RB1: variants seen among roughly 807,000 people sequenced by gnomAD.
The protein encoded by RB1 is RB transcriptional corepressor 1, also known as retinoblastoma-associated protein.
A neutral mutation model predicts 135.4 loss-of-function variants in RB1; 18 were observed. The observed-to-expected ratio is 0.13, with a 90% CI of 0.09 to 0.20. RB1 has a LOEUF of 0.20. RB1 is among the 10% of genes least tolerant of loss of function. The pLI, the probability that RB1 is intolerant of heterozygous loss-of-function variation, is 1.00. For missense variants in RB1, 868 were observed against 1,110.0 expected, an observed-to-expected ratio of 0.78 and a Z score of 3.10; for synonymous variants, 365 against 373.2, an observed-to-expected ratio of 0.98 and a Z score of 0.25.
chr13:48,386,853 C>T (rs1006909100), intron 17 of RB1, among the ~76,000 whole-genome samples: 11 of 151,998 alleles, frequency 7.2e-5, no homozygotes, highest in South Asian at 2.1e-4. Flanking sequence ...CCAAATACAT[C>T]GTTATAAAAT....
intron 7 of RB1, among the ~76,000 whole-genome samples, chr13:48,362,446 A>G (rs1480182367): frequency 6.6e-6 from 1 of 152,130 alleles, no homozygotes; most frequent in Non-Finnish European, 1.5e-5. Flanking sequence ...TAGAAATTGA[A>G]TTCAGAAATA....
intron 3 of RB1, among the ~76,000 whole-genome samples, chr13:48,343,795 A>C (rs914264412): frequency 1.3e-5 from 2 of 152,096 alleles, no homozygotes; most frequent in Non-Finnish European, 2.9e-5. Flanking sequence ...TTTCTCTTCT[A>C]ATCAACATTC....
chr13:48,441,193 A>T (rs1039958052), intron 17 of RB1, among the ~76,000 whole-genome samples: 2 of 152,222 alleles, frequency 1.3e-5, no homozygotes, highest in African/African-American at 4.8e-5. Context: ...TTCCTGGTTC[A>T]TAGATGGCAC....
intron 17 of RB1, among the ~76,000 whole-genome samples, chr13:48,434,343 T>C (rs769568884): frequency 1.7e-4 from 26 of 152,098 alleles, no homozygotes; most frequent in Non-Finnish European, 1.5e-4. Flanking sequence ...TCAGTCTTGA[T>C]AATAAAAACG....
chr13:48,459,645 CA>C (rs1287090964), intron 19 of RB1, 42 bp from the exon 20 acceptor site: 1 of 1,606,998 alleles, frequency 6.2e-7, no homozygotes, highest in African/African-American at 1.3e-5. Context: ...ACTTGTAATT[CA>C]AAATGAACAG....
At chr13:48,463,964 C>A in intron 21 of RB1, 129 bp downstream of exon 21, 1 of 582,362 alleles carries the variant, frequency 1.7e-6, no homozygotes, top group Non-Finnish European at 3.0e-6. Flanking sequence ...TGTAAATTCA[C>A]AAATAAAAAC....
At chr13:48,408,956 A>G (rs1948764051) in intron 17 of RB1, among the ~76,000 whole-genome samples, 1 of 152,140 alleles carries the variant, frequency 6.6e-6, no homozygotes. Context: ...CCCCCAGATC[A>G]GTAGATTGGT....
chr13:48,362,035 C>T (rs1389764582), intron 7 of RB1, among the ~76,000 whole-genome samples: 2 of 150,636 alleles, frequency 1.3e-5, no homozygotes, highest in Non-Finnish European at 2.9e-5. Context: ...GCAAACTCTG[C>T]CTCCCGGGTT....
chr13:48,458,842 A>C (rs1949378250), intron 19 of RB1, among the ~76,000 whole-genome samples: 1 of 152,202 alleles, frequency 6.6e-6, no homozygotes, highest in Non-Finnish European at 1.5e-5. Context: ...AAACTAAATA[A>C]ATTACATATT....
At chr13:48,329,804 G>A (rs1430404862) in intron 2 of RB1, among the ~76,000 whole-genome samples, 1 of 152,172 alleles carries the variant, frequency 6.6e-6, no homozygotes, top group Non-Finnish European at 1.5e-5. Context: ...GACAGCTGAT[G>A]TCAGCAAGAT....
At chr13:48,339,266 C>A (rs1746495142) in intron 2 of RB1, among the ~76,000 whole-genome samples, 1 of 152,206 alleles carries the variant, frequency 6.6e-6, no homozygotes, top group Non-Finnish European at 1.5e-5. Flanking sequence ...GCCCTGCCCC[C>A]AGAGGTGGAA....
chr13:48,345,658 G>C (rs2138088561), intron 4 of RB1, among the ~76,000 whole-genome samples: 1 of 152,292 alleles, frequency 6.6e-6, no homozygotes, highest in African/African-American at 2.4e-5. Context: ...TCGAGTAGGA[G>C]CATAATTAAT....
At position 48,453,124 on chromosome 13, in the gene RB1, T is replaced by C. The variant is rs1405171445; in HGVS notation, c.1814+13T>C. The C allele has an allele frequency of 1.2e-6, 2 of 1,606,396 alleles. No individual in the cohort carries two copies. The highest frequency in any genetic ancestry group is 1.1e-5 in the South Asian group (1 of 90,970). On this transcript the variant is annotated intron_variant, in intron 18 of 26. Coordinates refer to ENST00000267163, the MANE Select transcript of RB1 (RefSeq NM_000321.3). ...CTGCAGCAGATATGTAAGCAAAATA[T>C]ATGTTATGTTGACCATTCAAACTGC...
At position 48,303,861 on chromosome 13, in the gene RB1, T is replaced by A. The variant is rs1258364025; in HGVS notation, c.-52T>A. 2 of 1,499,752 alleles carry A rather than the reference T, an allele frequency of 1.3e-6. No individual in the cohort carries two copies. Among genetic ancestry groups the A allele is most frequent in the South Asian group, 1.2e-5 (1 of 80,786 alleles). 92.9% of individuals were successfully genotyped at this position (1,499,752 alleles called of 1,614,324 possible). A position where few individuals can be genotyped will look rare whatever the true frequency, so the allele number is the denominator to read the frequency against. On this transcript the variant is annotated 5_prime_UTR_variant, in exon 1 of 27. Coordinates refer to ENST00000267163, the MANE Select transcript of RB1 (RefSeq NM_000321.3). ...CGTGCCCCGACGTGCGCGCGCGTCG[T>A]CCTCCCCGGCGCTCCTCCACAGCTC... is the stretch of plus-strand genomic sequence containing the variant.
rs2138361042 is a variant in RB1, at chr13:48,477,413, T to C, written c.2713+9T>C. On this transcript the variant is annotated intron_variant, in intron 26 of 26. Transcript: ENST00000267163. Reference sequence around the variant, plus strand: ...GAAACTGGCAGAAATGAGTAAGTACTTTTTTCACCTTGTGTAAATGAAATA... The same window carrying C: ...GAAACTGGCAGAAATGAGTAAGTACCTTTTTCACCTTGTGTAAATGAAATA... 2 of 1,591,974 alleles carry C rather than the reference T, an allele frequency of 1.3e-6. No homozygotes were observed. Among genetic ancestry groups the C allele is most frequent in the Non-Finnish European group, 8.6e-7 (1 of 1,160,548 alleles).
At chr13:48,320,943 G>A (rs565363646) in intron 2 of RB1, among the ~76,000 whole-genome samples, 3 of 152,248 alleles carry the variant, frequency 2.0e-5, no homozygotes, top group Admixed American at 2.0e-4. Context: ...TCAGGACGAC[G>A]TTACGCATAG....
At chr13:48,398,599 C>T (rs970172320) in intron 17 of RB1, among the ~76,000 whole-genome samples, 2 of 151,880 alleles carry the variant, frequency 1.3e-5, no homozygotes, top group Non-Finnish European at 2.9e-5. Context: ...AGATCATCAG[C>T]TCTCTTTAAG....
Position 48,303,989 on chromosome 13 carries a change from C to T in RB1, c.77C>T (p.Pro26Leu), listed in dbSNP as rs770488256. ...AAAEPPAPPP[P>L]PPPEEDPEQD... ...GCGGAACCCCCGGCACCGCCGCCGC[C>T]GCCCCCTCCTGAGGAGGACCCAGAG... The change falls in exon 1 of 27, where the codon CCG becomes CTG. Residue 26 changes from proline to leucine, a missense_variant. By Grantham distance (98) the Pro-to-Leu change is moderately conservative (BLOSUM62 -3). Around this residue, in one of 3 missense-constraint regions of RB1, gnomAD observed 641 missense variants for 791.3 expected, o/e 0.81. Coordinates refer to ENST00000267163, the MANE Select transcript of RB1 (RefSeq NM_000321.3). The T allele has an allele frequency of 2.7e-6, 4 of 1,498,690 alleles. No individual in the cohort carries two copies. The highest frequency in any genetic ancestry group is 2.7e-5 in the East Asian group (1 of 36,742). 92.8% of individuals were successfully genotyped at this position (1,498,690 alleles called of 1,614,324 possible). A position where few individuals can be genotyped will look rare whatever the true frequency, so the allele number is the denominator to read the frequency against.
At position 48,303,918 on chromosome 13, in the gene RB1, G is replaced by A. The variant is rs1593411898; in HGVS notation, c.6G>A (p.Pro2=). The change falls in exon 1 of 27, where the codon CCG becomes CCA. Residue 2 remains proline (P), a synonymous_variant. Coordinates refer to ENST00000267163, the MANE Select transcript of RB1 (RefSeq NM_000321.3). The part of the protein sequence containing the change: M[P]PKTPRKTAAT... ...TCCCGCCGCGGAAAGGCGTCATGCCGCCCAAAACCCCCCGAAAAACGGCCG... is the reference window on the plus strand; with the variant it reads ...TCCCGCCGCGGAAAGGCGTCATGCCACCCAAAACCCCCCGAAAAACGGCCG... 1.3e-6 allele frequency: 2 copies of A among 1,512,904 alleles called. No homozygotes were observed. The highest frequency in any genetic ancestry group is 8.8e-7 in the Non-Finnish European group (1 of 1,137,828). The allele number at this position is 1,512,904 out of a possible 1,614,324, so 93.7% of individuals were successfully genotyped here. A position where few individuals can be genotyped will look rare whatever the true frequency, so the allele number is the denominator to read the frequency against.
Sources: allele counts gnomAD v4.1 joint callset (sites outside exome capture counted in the v4.1 genomes callset), GRCh38; gene constraint gnomAD v4.1.1; regional missense constraint gnomAD v4.1.1; transcripts MANE v1.5; gene names NCBI Gene and HGNC (gene_info 2026-07-23, HGNC 2026-07-21).